Variants in TANC2 observed in about 807,000 individuals in gnomAD.
TANC2 encodes protein TANC2.
Under a neutral mutation model 210.5 loss-of-function variants are expected in TANC2, and 26 were observed. That is an observed-to-expected ratio of 0.12 (90% CI 0.09 to 0.17). TANC2 has a LOEUF of 0.17. Among genes scored for constraint, TANC2 ranks in the 10% least tolerant of loss-of-function variants. TANC2 has a pLI of 1.00. For synonymous variants in TANC2, 931 were observed against 967.1 expected (o/e 0.96, Z 0.69); for missense variants, 2,129 against 2,608.9 (o/e 0.82, Z 4.01).
chr17:63,330,451 A>G (rs1216270007), intron 11 of TANC2, among the ~76,000 whole-genome samples: 1 of 152,202 alleles, frequency 6.6e-6, no homozygotes, highest in Non-Finnish European at 1.5e-5. Context: ...TTTTAAAAAA[A>G]AAATTTATTC....
chr17:63,230,786 C>T (rs568377711), intron 7 of TANC2, among the ~76,000 whole-genome samples: 3 of 152,208 alleles, frequency 2.0e-5, no homozygotes, highest in Non-Finnish European at 4.4e-5. Flanking sequence ...ATCAGATCCA[C>T]TTTATCCAGA....
chr17:63,154,892 A>T (rs1270778338), intron 5 of TANC2: 2 of 152,168 alleles, frequency 1.3e-5, no homozygotes, highest in African/African-American at 4.8e-5. Flanking sequence ...CTATAATTTA[A>T]CAAATTATGC....
intron 3 of TANC2, among the ~76,000 whole-genome samples, chr17:63,098,527 A>ATATATATATG (rs2037499716): frequency 6.8e-6 from 1 of 146,794 alleles, no homozygotes; most frequent in Non-Finnish European, 1.5e-5. Context: ...ATATATATAT[A>ATATATATATG]TATATATGTA....
chr17:63,301,803 T>G (rs1453473392), intron 9 of TANC2, among the ~76,000 whole-genome samples: 1 of 152,210 alleles, frequency 6.6e-6, no homozygotes, highest in Non-Finnish European at 1.5e-5. Context: ...TCTTAGTTAT[T>G]TCTTATCTTC....
chr17:63,338,530 A>G (rs1483919378), intron 11 of TANC2, among the ~76,000 whole-genome samples: 1 of 152,180 alleles, frequency 6.6e-6, no homozygotes, highest in African/African-American at 2.4e-5. Flanking sequence ...GCTTTTTATC[A>G]AGTGGAGATT....
intron 5 of TANC2, among the ~76,000 whole-genome samples, chr17:63,168,443 C>T (rs946697101): frequency 1.3e-5 from 2 of 152,144 alleles, no homozygotes; most frequent in African/African-American, 2.4e-5. Context: ...ATTCTTCCTA[C>T]CTTTCTGTTC....
intron 2 of TANC2, among the ~76,000 whole-genome samples, chr17:63,073,020 A>G (rs972080197): frequency 6.6e-6 from 1 of 152,066 alleles, no homozygotes; most frequent in Non-Finnish European, 1.5e-5. Flanking sequence ...TGCAGCTACT[A>G]CCCCTTTTCC....
At chr17:63,396,624 G>A (rs1322556802) in intron 18 of TANC2, 1 of 152,164 alleles carries the variant, frequency 6.6e-6, no homozygotes, top group African/African-American at 2.4e-5. Context: ...TGTTGCCGTG[G>A]AATACTACAC....
chr17:63,290,633 A>G (rs1010203434), intron 9 of TANC2, among the ~76,000 whole-genome samples: 3 of 152,144 alleles, frequency 2.0e-5, no homozygotes, highest in South Asian at 4.2e-4. Flanking sequence ...TCATTGCCTT[A>G]TGTCTGCTGT....
At position 63,411,692 on chromosome 17, in the gene TANC2, T is replaced by A. The variant is rs765733289; in HGVS notation, c.3765+6T>A. 2 of 1,608,422 alleles carry A rather than the reference T, an allele frequency of 1.2e-6. No homozygotes were observed. Among genetic ancestry groups the A allele is most frequent in the Non-Finnish European group, 1.7e-6 (2 of 1,177,122 alleles). On this transcript the variant is annotated splice_donor_region_variant and intron_variant, in intron 22 of 27. Transcript: ENST00000689528. ...TCTATGGCGATGCTGAGGTGGTAAGTACCTTTAAACAAGCCTCAAGAGAGC... is the reference window on the plus strand; with the variant it reads ...TCTATGGCGATGCTGAGGTGGTAAGAACCTTTAAACAAGCCTCAAGAGAGC...
At chr17:63,132,360 A>G (rs2038949087) in intron 4 of TANC2, among the ~76,000 whole-genome samples, 1 of 152,212 alleles carries the variant, frequency 6.6e-6, no homozygotes, top group Non-Finnish European at 1.5e-5. Flanking sequence ...AAGACCTCTG[A>G]GCCAAATCAG....
intron 4 of TANC2, among the ~76,000 whole-genome samples, chr17:63,135,857 G>A (rs2039073106): frequency 6.6e-6 from 1 of 152,138 alleles, no homozygotes; most frequent in Non-Finnish European, 1.5e-5. Flanking sequence ...GTACTCTTTA[G>A]ATATACGGAA....
At position 63,341,106 on chromosome 17, in the gene TANC2, G is replaced by A. The variant is rs957921154; in HGVS notation, c.1807+774G>A. On this transcript the variant is annotated intron_variant, in intron 12 of 27. Transcript: ENST00000689528. ...ATGCATAAAATTCCTGAGCAATCCT[G>A]TTTATTCCTGAGAGACTTAGACACC... Among the ~76,000 whole-genome samples the A allele has an allele frequency of 2.6e-5, 4 of 152,316 alleles. No individual in the cohort carries two copies. In the South Asian group the frequency reaches 6.2e-4, roughly 24 times the overall value.
At chr17:63,238,554 G>A (rs533016010) in intron 8 of TANC2, among the ~76,000 whole-genome samples, 28 of 152,266 alleles carry the variant, frequency 1.8e-4, no homozygotes, top group African/African-American at 6.5e-4. Flanking sequence ...CATCCCGTGA[G>A]TTTCAGTATT....
chr17:63,386,568 A>G (rs2047785237), intron 15 of TANC2, among the ~76,000 whole-genome samples: 1 of 152,170 alleles, frequency 6.6e-6, no homozygotes, highest in Non-Finnish European at 1.5e-5. Context: ...ATTCCTCTCT[A>G]CTTTTGTAAA....
intron 5 of TANC2, among the ~76,000 whole-genome samples, chr17:63,183,582 TG>T (rs1178264293): frequency 1.3e-5 from 2 of 152,360 alleles, no homozygotes; most frequent in East Asian, 3.9e-4. Context: ...ATTCGAGTGA[TG>T]GGTACACTGA....
intron 9 of TANC2, among the ~76,000 whole-genome samples, chr17:63,295,227 GTAC>G (rs2044498955): frequency 6.6e-6 from 1 of 152,108 alleles, no homozygotes; most frequent in African/African-American, 2.4e-5. Context: ...TTGCCATATG[GTAC>G]TGGGCTAATT....
intron 5 of TANC2, among the ~76,000 whole-genome samples, chr17:63,162,393 G>A (rs2040059561): frequency 6.6e-6 from 1 of 152,116 alleles, no homozygotes; most frequent in Non-Finnish European, 1.5e-5. Flanking sequence ...AAAGAATTCT[G>A]TGATGAAAGG....
intron 19 of TANC2, among the ~76,000 whole-genome samples, chr17:63,399,792 T>C (rs2048286809): frequency 6.6e-6 from 1 of 152,244 alleles, no homozygotes; most frequent in Non-Finnish European, 1.5e-5. Flanking sequence ...TTAAAATTTA[T>C]AAAGACCTAT....
Sources: gnomAD v4.1 joint callset for allele counts (sites outside exome capture counted in the v4.1 genomes callset) on GRCh38, gnomAD v4.1.1 for gene constraint, MANE v1.5 for transcripts, NCBI Gene and HGNC (gene_info 2026-07-23, HGNC 2026-07-21) for gene names.